The following JAZF1 variants were observed in gnomAD, a reference collection of about 807,000 sequenced individuals.
JAZF1 encodes JAZF zinc finger 1.
In JAZF1, 8 loss-of-function variants were observed where a neutral mutation model predicts 26.4. The ratio of observed to expected loss-of-function variants is 0.30; its 90% CI spans 0.18 to 0.55. The LOEUF is 0.55. JAZF1 is among the 20% of genes least tolerant of loss of function. The pLI is 0.94. For missense variants in JAZF1, 199 were observed against 322.0 expected, an observed-to-expected ratio of 0.62 and a Z score of 2.92; for synonymous variants, 126 against 122.3, an observed-to-expected ratio of 1.03 and a Z score of -0.20.
intron 2 of JAZF1, among the ~76,000 whole-genome samples, chr7:27,910,251 A>T (rs1172346449): frequency 6.6e-6 from 1 of 152,188 alleles, no homozygotes; most frequent in East Asian, 1.9e-4. Flanking sequence ...AATGCTTTGA[A>T]ATCAATGTGT....
chr7:28,177,322 T>A (rs1222546051), intron 1 of JAZF1, among the ~76,000 whole-genome samples: 2 of 152,208 alleles, frequency 1.3e-5, no homozygotes, highest in Admixed American at 6.5e-5. Context: ...CAAATCCTTG[T>A]TCATTATGGG....
At chr7:27,903,944 A>G (rs1784207437) in intron 2 of JAZF1, among the ~76,000 whole-genome samples, 1 of 152,210 alleles carries the variant, frequency 6.6e-6, no homozygotes, top group South Asian at 2.1e-4. Flanking sequence ...CAAGCTTTTG[A>G]GAAAAGCTGT....
chr7:27,959,537 A>G (rs17695685), intron 2 of JAZF1, among the ~76,000 whole-genome samples: 57,078 of 152,036 alleles, frequency 0.38, 11,505 homozygotes, highest in Non-Finnish European at 0.44. Context: ...TGTCTCTTCT[A>G]AAGTACCTGG....
intron 2 of JAZF1, among the ~76,000 whole-genome samples, chr7:27,980,800 A>G (rs886592610): frequency 6.7e-6 from 1 of 150,060 alleles, no homozygotes; most frequent in Non-Finnish European, 1.5e-5. Flanking sequence ...TTTCTTTCAC[A>G]TGACTTAACC....
chr7:28,133,347 T>C (rs908254112), intron 1 of JAZF1, among the ~76,000 whole-genome samples: 7 of 152,148 alleles, frequency 4.6e-5, no homozygotes, highest in Admixed American at 2.0e-4. Flanking sequence ...TACAGGGATA[T>C]GACAAGGAAG....
At chr7:27,851,959 G>A (rs1783158961) in intron 3 of JAZF1, among the ~76,000 whole-genome samples, 3 of 151,906 alleles carry the variant, frequency 2.0e-5, no homozygotes, top group Admixed American at 2.0e-4. Context: ...ACTGATGCCT[G>A]GGGGTTCTGA....
intron 3 of JAZF1, among the ~76,000 whole-genome samples, chr7:27,882,753 C>T (rs1040108807): frequency 2.0e-5 from 3 of 152,192 alleles, no homozygotes; most frequent in Non-Finnish European, 2.9e-5. Flanking sequence ...GACATTAAAA[C>T]AAGTTTGCCG....
intron 1 of JAZF1, among the ~76,000 whole-genome samples, chr7:28,067,350 C>A (rs1002569940): frequency 4.6e-5 from 7 of 152,186 alleles, no homozygotes; most frequent in Non-Finnish European, 4.4e-5. Context: ...CCAGTGGAAT[C>A]TTTATCTCTC....
intron 1 of JAZF1, among the ~76,000 whole-genome samples, chr7:28,159,903 G>A (rs937812423): frequency 9.9e-5 from 15 of 152,080 alleles, no homozygotes; most frequent in African/African-American, 2.7e-4. Context: ...CCTTATAAGC[G>A]AAACCATAAT....
Position 27,895,350 on chromosome 7 carries a change from C to A in JAZF1, c.255G>T (p.Ser85=). The A allele has an allele frequency of 1.2e-6, 2 of 1,608,778 alleles. No homozygotes were observed. The highest frequency in any genetic ancestry group is 1.7e-6 in the Non-Finnish European group (2 of 1,177,754). The part of the protein sequence containing the change: ...SLKKKIQPKL[S]LTLSSSVSRG... ...GAGACACTGAGCTGGACAGAGTCAG[C>A]GAGAGCTTCGGCTGAATCTTCTTCT... Residue 85 remains serine, a synonymous_variant, in exon 3 of 5, where the codon TCG becomes TCT. Coordinates refer to ENST00000283928, the MANE Select transcript of JAZF1 (RefSeq NM_175061.4).
At chr7:28,112,835 T>TCAAG (rs959440260) in intron 1 of JAZF1, among the ~76,000 whole-genome samples, 2 of 152,164 alleles carry the variant, frequency 1.3e-5, no homozygotes, top group African/African-American at 4.8e-5. Context: ...AAAATTTGTA[T>TCAAG]CAAGCACAAA....
At chr7:27,926,000 G>A (rs1784596955) in intron 2 of JAZF1, among the ~76,000 whole-genome samples, 1 of 152,202 alleles carries the variant, frequency 6.6e-6, no homozygotes, top group African/African-American at 2.4e-5. Context: ...GGAAGGAAGT[G>A]AACCACTCTG....
Position 27,869,461 on chromosome 7 carries a change from G to A in JAZF1, c.385+25759C>T, listed in dbSNP as rs115415175. Among the ~76,000 whole-genome samples the A allele has an allele frequency of 5.0e-3, 762 of 152,250 alleles. 2 individuals carry two copies. Among genetic ancestry groups the A allele is most frequent in the African/African-American group, 0.017 (718 of 41,538 alleles). ...TGGGGACTCTAGACAGCAGTAGCTC[G>A]ACGGCACCAACATGGAGGTACAAAC... On this transcript the variant is annotated intron_variant, in intron 3 of 4. Coordinates refer to ENST00000283928, the MANE Select transcript of JAZF1 (RefSeq NM_175061.4).
At chr7:27,991,276 TTAACC>T (rs1785897172) in intron 2 of JAZF1, among the ~76,000 whole-genome samples, 1 of 152,210 alleles carries the variant, frequency 6.6e-6, no homozygotes, top group Admixed American at 6.5e-5. Flanking sequence ...GTGTGTTTTC[TTAACC>T]TAAGTTGATT....
chr7:28,135,967 T>C (rs1255592705), intron 1 of JAZF1, among the ~76,000 whole-genome samples: 1 of 152,222 alleles, frequency 6.6e-6, no homozygotes, highest in Non-Finnish European at 1.5e-5. Flanking sequence ...ATGAAGTTTC[T>C]GCAAGCTGCG....
chr7:27,915,035 C>T (rs1271618589), intron 2 of JAZF1, among the ~76,000 whole-genome samples: 1 of 152,176 alleles, frequency 6.6e-6, no homozygotes, highest in Non-Finnish European at 1.5e-5. Context: ...GCCATTTTAG[C>T]TACAAATTAC....
intron 2 of JAZF1, among the ~76,000 whole-genome samples, chr7:27,916,500 T>C (rs1359851678): frequency 1.3e-5 from 2 of 152,178 alleles, no homozygotes; most frequent in Non-Finnish European, 2.9e-5. Context: ...TGTTTAAACA[T>C]ACCTTCTGTA....
chr7:28,047,349 C>A (rs1485176831), intron 1 of JAZF1, among the ~76,000 whole-genome samples: 1 of 151,960 alleles, frequency 6.6e-6, no homozygotes, highest in African/African-American at 2.4e-5. Context: ...ACTTTAGAAA[C>A]AAACTTTAAA....
At chr7:28,132,918 A>G (rs1782819921) in intron 1 of JAZF1, among the ~76,000 whole-genome samples, 1 of 152,080 alleles carries the variant, frequency 6.6e-6, no homozygotes. Flanking sequence ...CTGCAGTAGC[A>G]ACACAAATAC....
Sources: allele counts gnomAD v4.1 joint callset (sites outside exome capture counted in the v4.1 genomes callset), GRCh38; gene constraint gnomAD v4.1.1; transcripts MANE v1.5; gene names NCBI Gene and HGNC (gene_info 2026-07-23, HGNC 2026-07-21).